Variants in MMP26 observed in about 807,000 individuals in gnomAD.
MMP26 encodes matrix metalloproteinase-26.
In MMP26, 33 loss-of-function variants were observed where a neutral mutation model predicts 31.0. That is an observed-to-expected ratio of 1.06 (90% CI 0.81 to 1.42). The LOEUF (loss-of-function observed/expected upper bound fraction) is 1.42. MMP26 is among the 40% of genes most tolerant of loss of function. The pLI, the probability that MMP26 is intolerant of heterozygous loss-of-function variation, is 0.00. For missense variants in MMP26, 347 were observed against 316.1 expected (o/e 1.10, Z -0.74); for synonymous variants, 122 against 114.9 (o/e 1.06, Z -0.40).
chr11:4,967,967 A>G (rs1846618396), intron 2 of MMP26, among the ~76,000 whole-genome samples: 1 of 152,154 alleles, frequency 6.6e-6, no homozygotes, highest in Non-Finnish European at 1.5e-5. Flanking sequence ...TGAAAGAATC[A>G]GCAGTGTTTC....
intron 2 of MMP26, among the ~76,000 whole-genome samples, chr11:4,781,502 G>A (rs1848860489): frequency 1.6e-5 from 1 of 64,090 alleles, no homozygotes; most frequent in Non-Finnish European, 2.7e-5. Context: ...AGCCGAGATT[G>A]CGCCACTGCA....
intron 1 of MMP26, among the ~76,000 whole-genome samples, chr11:4,729,595 G>A (rs1177345407): frequency 1.3e-5 from 2 of 152,130 alleles, no homozygotes; most frequent in Admixed American, 6.5e-5. Flanking sequence ...GCTCCTTGGA[G>A]GTATTGAGCA....
chr11:4,980,520 T>C (rs887275550), intron 2 of MMP26, among the ~76,000 whole-genome samples: 1 of 151,600 alleles, frequency 6.6e-6, no homozygotes, highest in Admixed American at 6.6e-5. Context: ...TATGAAAAAA[T>C]TTAAATTTAA....
At chr11:4,875,701 A>C (rs970506432) in intron 2 of MMP26, 1 of 152,158 alleles carries the variant, frequency 6.6e-6, no homozygotes, top group African/African-American at 2.4e-5. Context: ...TGCACAATGC[A>C]GGATAAACTC....
chr11:4,865,625 T>G (rs1435356908), intron 2 of MMP26, among the ~76,000 whole-genome samples: 1 of 152,092 alleles, frequency 6.6e-6, no homozygotes, highest in Non-Finnish European at 1.5e-5. Context: ...TTTTTGTTCT[T>G]CTTCGCAGAG....
rs117852117 is a variant in MMP26 at position 4,804,297 on chromosome 11, C to T, written c.-145+36956C>T. ...TGGCACAGAACGGAAAGGCAATCCACAACTGGAAACTCTCCAGGCCTGGGA... is the reference window on the plus strand; with the variant it reads ...TGGCACAGAACGGAAAGGCAATCCATAACTGGAAACTCTCCAGGCCTGGGA... On this transcript the variant is annotated intron_variant, in intron 2 of 7. Transcript: ENST00000380390. 4.5e-3 allele frequency: 7,283 copies of T among 1,614,040 alleles called. 34 individuals are homozygous for T. The highest frequency in any genetic ancestry group is 6.6e-3 in the Admixed American group (395 of 60,004).
At chr11:4,900,288 T>A (rs1375312752) in intron 2 of MMP26, among the ~76,000 whole-genome samples, 1 of 152,172 alleles carries the variant, frequency 6.6e-6, no homozygotes, top group Non-Finnish European at 1.5e-5. Context: ...CTATGACTCT[T>A]CAAGAAAATA....
chr11:4,792,906 A>G (rs1480307984), intron 2 of MMP26, among the ~76,000 whole-genome samples: 2 of 152,148 alleles, frequency 1.3e-5, no homozygotes, highest in Non-Finnish European at 2.9e-5. Flanking sequence ...GTTATTTTAT[A>G]TGTTTTATTT....
At chr11:4,937,147 A>T (rs1227664482) in intron 2 of MMP26, among the ~76,000 whole-genome samples, 2 of 152,198 alleles carry the variant, frequency 1.3e-5, no homozygotes, top group Non-Finnish European at 1.5e-5. Flanking sequence ...GTACAATCTT[A>T]GAATCAGAGA....
intron 2 of MMP26, among the ~76,000 whole-genome samples, chr11:4,785,284 C>G (rs140103956): frequency 6.6e-6 from 1 of 152,094 alleles, no homozygotes; most frequent in Admixed American, 6.5e-5. Flanking sequence ...TGTATTTATC[C>G]TCTCTCTTAA....
chr11:4,799,175 C>T (rs1171184293), intron 2 of MMP26, among the ~76,000 whole-genome samples: 3 of 152,080 alleles, frequency 2.0e-5, no homozygotes, highest in South Asian at 4.1e-4. Context: ...AAGAAAATAC[C>T]TGAGACTTTA....
intron 2 of MMP26, among the ~76,000 whole-genome samples, chr11:4,816,231 A>G (rs1435734382): frequency 6.6e-6 from 1 of 152,204 alleles, no homozygotes; most frequent in East Asian, 1.9e-4. Flanking sequence ...CAGAAATAAT[A>G]CTTGATACGA....
intron 1 of MMP26, among the ~76,000 whole-genome samples, chr11:4,713,287 T>G (rs1035293868): frequency 1.3e-5 from 2 of 152,132 alleles, no homozygotes; most frequent in Non-Finnish European, 2.9e-5. Context: ...TTCAAATGAC[T>G]TAGGATGCAT....
chr11:4,882,018 C>A (rs766462161), intron 2 of MMP26: 1 of 1,613,836 alleles, frequency 6.2e-7, no homozygotes, highest in Non-Finnish European at 8.5e-7. Flanking sequence ...TACACCATTG[C>A]CCTCTTGGGA....
chr11:4,840,246 G>C (rs1335688562), intron 2 of MMP26, among the ~76,000 whole-genome samples: 1 of 152,208 alleles, frequency 6.6e-6, no homozygotes, highest in Non-Finnish European at 1.5e-5. Flanking sequence ...GGGCCTAGGG[G>C]ATCTCACCTT....
At chr11:4,786,890 T>C (rs1195395259) in intron 2 of MMP26, 1 of 152,408 alleles carries the variant, frequency 6.6e-6, no homozygotes, top group Non-Finnish European at 1.5e-5. Context: ...GGGAACAGCA[T>C]GATCCTATTG....
intron 2 of MMP26, chr11:4,914,645 G>T: frequency 4.2e-6 from 4 of 945,554 alleles, no homozygotes; most frequent in Non-Finnish European, 6.4e-6. Context: ...TTTATTTTAT[G>T]CATGTTAGAA....
At chr11:4,880,500 A>G (rs979758213) in intron 2 of MMP26, among the ~76,000 whole-genome samples, 1 of 152,098 alleles carries the variant, frequency 6.6e-6, no homozygotes, top group Non-Finnish European at 1.5e-5. Flanking sequence ...GAAGAGAAAA[A>G]GGCAAAAGAC....
At chr11:4,774,949 C>A (rs1848771437) in intron 2 of MMP26, among the ~76,000 whole-genome samples, 1 of 151,852 alleles carries the variant, frequency 6.6e-6, no homozygotes, top group Non-Finnish European at 1.5e-5. Flanking sequence ...GATATGTGAT[C>A]TTATTTCTGA....
Sources: gnomAD v4.1 joint callset for allele counts (sites outside exome capture counted in the v4.1 genomes callset) on GRCh38, gnomAD v4.1.1 for gene constraint, MANE v1.5 for transcripts, NCBI Gene and HGNC (gene_info 2026-07-23, HGNC 2026-07-21) for gene names.